Variants in NEDD8 observed in about 807,000 individuals in gnomAD.
The protein encoded by NEDD8 is ubiquitin-like protein NEDD8.
NEDD8 carries 1 observed loss-of-function variant against 13.8 expected under a neutral mutation model. The ratio of observed to expected loss-of-function variants is 0.07; its 90% CI spans 0.03 to 0.34. NEDD8 has a LOEUF of 0.34. Among genes scored for constraint, NEDD8 ranks in the 10% least tolerant of loss-of-function variants. NEDD8 has a pLI of 0.99. For synonymous variants in NEDD8, 31 were observed against 33.2 expected, an observed-to-expected ratio of 0.93 and a Z score of 0.23; for missense variants, 10 against 95.2, an observed-to-expected ratio of 0.10 and a Z score of 3.73.
chr14:24,223,230 C>T (rs977193085), intron 1 of NEDD8, among the ~76,000 whole-genome samples: 6 of 151,822 alleles, frequency 4.0e-5, no homozygotes, highest in African/African-American at 1.5e-4. Context: ...TAGTGAGATC[C>T]CCATCTCTAC....
intron 1 of NEDD8, 65 bp downstream of exon 1, chr14:24,232,183 GTC>G: frequency 6.2e-7 from 1 of 1,609,600 alleles, no homozygotes. Flanking sequence ...CCTTCCCCAC[GTC>G]TCCCGTAAGG....
chr14:24,224,222 C>A (rs928018073), intron 1 of NEDD8, among the ~76,000 whole-genome samples: 2 of 152,232 alleles, frequency 1.3e-5, no homozygotes, highest in Admixed American at 1.3e-4. Flanking sequence ...AGCCACCGCG[C>A]CCAGCCAATT....
At chr14:24,219,037 C>T (rs555801399) in intron 1 of NEDD8, among the ~76,000 whole-genome samples, 1 of 152,226 alleles carries the variant, frequency 6.6e-6, no homozygotes, top group Non-Finnish European at 1.5e-5. Context: ...TAAGCCACTG[C>T]ACCCAGCCTG....
At chr14:24,231,189 C>A (rs978923048) in intron 1 of NEDD8, among the ~76,000 whole-genome samples, 4 of 152,160 alleles carry the variant, frequency 2.6e-5, no homozygotes, top group East Asian at 3.9e-4. Context: ...CCGCGCCCAG[C>A]CTATTTTCTC....
intron 1 of NEDD8, among the ~76,000 whole-genome samples, chr14:24,222,816 C>T (rs1347801270): frequency 6.6e-6 from 1 of 151,954 alleles, no homozygotes; most frequent in Non-Finnish European, 1.5e-5. Flanking sequence ...GGGCTGGGTG[C>T]GGTGGCTCAC....
At chr14:24,219,490 AAAAAAAAAAAAG>A (rs1286513459) in intron 1 of NEDD8, among the ~76,000 whole-genome samples, 6,015 of 148,358 alleles carry the variant, frequency 0.041, 507 homozygotes, top group African/African-American at 0.15. Context: ...AAAAAAAAAA[AAAAAAAAAAAAG>A]AAAGTAAAAG....
At chr14:24,220,238 A>G (rs2039783374) in intron 1 of NEDD8, among the ~76,000 whole-genome samples, 2 of 152,246 alleles carry the variant, frequency 1.3e-5, no homozygotes, top group Admixed American at 1.3e-4. Context: ...TTGACACACA[A>G]GCAGTCAATG....
At chr14:24,222,863 G>A (rs1594486548) in intron 1 of NEDD8, among the ~76,000 whole-genome samples, 2 of 151,930 alleles carry the variant, frequency 1.3e-5, no homozygotes, top group Non-Finnish European at 2.9e-5. Context: ...CCGAGGGGGC[G>A]GATCACGAGG....
chr14:24,232,202 T>A, intron 1 of NEDD8, 48 bp downstream of exon 1: 1 of 1,613,642 alleles, frequency 6.2e-7, no homozygotes, highest in Non-Finnish European at 8.5e-7. Flanking sequence ...AAGGCACTGC[T>A]GCCAGCCCAG....
In NEDD8 at chr14:24,216,903, A is replaced by G; in HGVS notation, c.*224T>C. ...TTTATTGACAACCAGGGACACAGTCATAAGAGAGGGAAGCACACAGGACTG... is the reference window on the plus strand; with the variant it reads ...TTTATTGACAACCAGGGACACAGTCGTAAGAGAGGGAAGCACACAGGACTG... On this transcript the variant is annotated 3_prime_UTR_variant, in exon 4 of 4. Coordinates refer to ENST00000250495, the MANE Select transcript of NEDD8 (RefSeq NM_006156.3). 1.9e-6 allele frequency: 1 copy of G among 518,378 alleles called. No homozygotes were observed. The highest frequency in any genetic ancestry group is 3.5e-6 in the Non-Finnish European group (1 of 285,862). 32.1% of individuals were successfully genotyped at this position (518,378 alleles called of 1,614,324 possible). A position where few individuals can be genotyped will look rare whatever the true frequency, so the allele number is the denominator to read the frequency against.
intron 1 of NEDD8, among the ~76,000 whole-genome samples, chr14:24,223,881 C>G (rs973674361): frequency 6.6e-6 from 1 of 151,940 alleles, no homozygotes; most frequent in South Asian, 2.1e-4. Flanking sequence ...GTTACAGCCG[C>G]GTGTCACTAC....
chr14:24,223,375 G>T lies in NEDD8; in HGVS notation c.19-4944C>A, dbSNP rs182311803. 4.6e-5 allele frequency among the ~76,000 whole-genome samples: 7 copies of T among 151,972 alleles called. No individual in the cohort carries two copies. In the East Asian group the frequency reaches 1.4e-3, roughly 29 times the overall value. ...GATTGTGCCACTGCACTCCAGCTTG[G>T]GTGACAGAGGGAGACCCTATCTCCA... On this transcript the variant is annotated intron_variant, in intron 1 of 3. Coordinates refer to ENST00000250495, the MANE Select transcript of NEDD8 (RefSeq NM_006156.3).
intron 1 of NEDD8, among the ~76,000 whole-genome samples, chr14:24,225,513 T>C (rs1487814968): frequency 2.0e-5 from 3 of 152,220 alleles, no homozygotes; most frequent in Non-Finnish European, 4.4e-5. Context: ...AGCTGGAATT[T>C]GCTTTAAAAA....
chr14:24,221,920 G>T (rs1011743927), intron 1 of NEDD8, among the ~76,000 whole-genome samples: 1 of 152,112 alleles, frequency 6.6e-6, no homozygotes, highest in African/African-American at 2.4e-5. Context: ...AGTGAAAAAA[G>T]ACTCTCAGAG....
At chr14:24,227,226 G>A (rs1256024273) in intron 1 of NEDD8, 1 of 152,208 alleles carries the variant, frequency 6.6e-6, no homozygotes, top group Non-Finnish European at 1.5e-5. Context: ...CTTAAGAACT[G>A]TGCATTTTAC....
intron 3 of NEDD8, 38 bp from the exon 4 acceptor site, chr14:24,217,261 G>T (rs1216105626): frequency 6.5e-7 from 1 of 1,535,912 alleles, no homozygotes; most frequent in South Asian, 1.2e-5. Context: ...AGAAAAAGAA[G>T]ACTTAGGAGT....
chr14:24,223,401 A>G (rs1262919583), intron 1 of NEDD8, among the ~76,000 whole-genome samples: 5 of 152,170 alleles, frequency 3.3e-5, no homozygotes, highest in African/African-American at 9.7e-5. Context: ...CCTATCTCCA[A>G]AAAAAACCCA....
At chr14:24,222,245 G>GA (rs908129445) in intron 1 of NEDD8, among the ~76,000 whole-genome samples, 7 of 151,738 alleles carry the variant, frequency 4.6e-5, no homozygotes, top group African/African-American at 9.7e-5. Flanking sequence ...TACAATCATA[G>GA]AAAAAAAATT....
intron 1 of NEDD8, among the ~76,000 whole-genome samples, chr14:24,226,117 G>C: frequency 6.6e-6 from 1 of 151,206 alleles, no homozygotes; most frequent in East Asian, 1.9e-4. Context: ...ATGTGATCCA[G>C]CCCTGCCAAC....
Sources: allele counts gnomAD v4.1 joint callset (sites outside exome capture counted in the v4.1 genomes callset), GRCh38; gene constraint gnomAD v4.1.1; transcripts MANE v1.5; gene names NCBI Gene and HGNC (gene_info 2026-07-23, HGNC 2026-07-21).